CYP19A1: variants seen among roughly 807,000 people sequenced by gnomAD.
The protein encoded by CYP19A1 is cytochrome P450 family 19 subfamily A member 1.
CYP19A1 carries 32 observed loss-of-function variants against 44.4 expected under a neutral mutation model. The observed-to-expected ratio is 0.72, with a 90% CI of 0.54 to 0.97. The LOEUF (loss-of-function observed/expected upper bound fraction) is 0.97. CYP19A1 is among the 50% of genes least tolerant of loss of function. The probability of loss-of-function intolerance (pLI) is 0.00; values close to 1 mark genes in which losing one functional copy is unlikely to be tolerated. For synonymous variants in CYP19A1, 212 were observed against 215.6 expected (o/e 0.98, Z 0.14); for missense variants, 598 against 637.8 (o/e 0.94, Z 0.67).
chr15:51,263,044 A>G (rs1034036408), intron 1 of CYP19A1, among the ~76,000 whole-genome samples: 1 of 152,196 alleles, frequency 6.6e-6, no homozygotes, highest in African/African-American at 2.4e-5. Flanking sequence ...GATGGTATTT[A>G]AGGTCTTGAG....
intron 1 of CYP19A1, among the ~76,000 whole-genome samples, chr15:51,304,685 AGAGAATCCTCCTAAGTC>A (rs2036178442): frequency 6.6e-6 from 1 of 152,208 alleles, no homozygotes; most frequent in Admixed American, 6.5e-5. Flanking sequence ...AAGTCTTCTG[AGAGAATCCTCCTAAGTC>A]ATGAAATTCC....
intron 1 of CYP19A1, chr15:51,278,241 G>A (rs944007356): frequency 1.1e-4 from 16 of 152,154 alleles, no homozygotes; most frequent in African/African-American, 3.4e-4. Flanking sequence ...ATTTCAGCTC[G>A]CCCCCTGAAT....
At chr15:51,252,391 AGAGGCTCTTTCCTGATTAAAACCACCTTC>A (rs2034349732) in intron 1 of CYP19A1, among the ~76,000 whole-genome samples, 1 of 152,226 alleles carries the variant, frequency 6.6e-6, no homozygotes, top group African/African-American at 2.4e-5. Flanking sequence ...CCAATGTCCC[AGAGGCTCTTTCCTGATTAAAACCACCTTC>A]ACTGACTGAT....
chr15:51,284,673 A>T lies in CYP19A1; in HGVS notation c.-38-41723T>A, dbSNP rs186801761. Among the ~76,000 whole-genome samples the T allele has an allele frequency of 2.1e-3, 318 of 152,346 alleles. 5 individuals carry two copies. Among genetic ancestry groups the T allele is most frequent in the African/African-American group, 7.5e-3 (310 of 41,572 alleles). On this transcript the variant is annotated intron_variant, in intron 1 of 9. Transcript: ENST00000396402. Reference sequence around the variant, plus strand: ...TAGCTTTATTAACATTAAAATTTTTAAATTTACAAAAAGATCAACCCATAA... The same window carrying T: ...TAGCTTTATTAACATTAAAATTTTTTAATTTACAAAAAGATCAACCCATAA...
intron 7 of CYP19A1, 66 bp from the exon 8 acceptor site, chr15:51,215,298 T>G: frequency 1.3e-5 from 20 of 1,586,444 alleles, no homozygotes; most frequent in Non-Finnish European, 1.6e-5. Context: ...TGAGGGGAGG[T>G]GACACTCAAG....
At chr15:51,298,430 A>G (rs2036043772) in intron 1 of CYP19A1, among the ~76,000 whole-genome samples, 1 of 152,232 alleles carries the variant, frequency 6.6e-6, no homozygotes, top group Admixed American at 6.5e-5. Context: ...CATTCTACTG[A>G]TCTTTGTGGA....
At chr15:51,242,337 A>G in intron 2 of CYP19A1, 1 of 273,598 alleles carries the variant, frequency 3.7e-6, no homozygotes, top group Non-Finnish European at 7.0e-6. Context: ...TACAAGACAA[A>G]GAGGGGGCAT....
chr15:51,279,863 C>G (rs1698780176), intron 1 of CYP19A1: 1 of 152,202 alleles, frequency 6.6e-6, no homozygotes, highest in South Asian at 2.1e-4. Context: ...CTTTATGTTC[C>G]TTGAGGGCAG....
chr15:51,215,400 T>C (rs1169941384), intron 7 of CYP19A1, among the ~76,000 whole-genome samples, 168 bp from the exon 8 acceptor site: 1 of 152,250 alleles, frequency 6.6e-6, no homozygotes, highest in East Asian at 1.9e-4. Flanking sequence ...AGCTGAAAGA[T>C]GAACGATTAG....
intron 1 of CYP19A1, among the ~76,000 whole-genome samples, chr15:51,267,232 G>C (rs899786742): frequency 1.3e-5 from 2 of 152,232 alleles, no homozygotes; most frequent in Non-Finnish European, 2.9e-5. Context: ...GGAGCAGCTC[G>C]GGCACTAGGC....
intron 5 of CYP19A1, chr15:51,221,239 A>C (rs1407158033): frequency 6.6e-6 from 1 of 152,200 alleles, no homozygotes; most frequent in Non-Finnish European, 1.5e-5. Flanking sequence ...TAATGTTCTA[A>C]AAGACACCTG....
At chr15:51,287,396 G>A (rs1250604483) in intron 1 of CYP19A1, among the ~76,000 whole-genome samples, 1 of 152,174 alleles carries the variant, frequency 6.6e-6, no homozygotes, top group East Asian at 1.9e-4. Context: ...TATCAGGCAG[G>A]TCTGCTTGGA....
chr15:51,333,518 A>G (rs956093787), intron 1 of CYP19A1, among the ~76,000 whole-genome samples: 1 of 152,236 alleles, frequency 6.6e-6, no homozygotes, highest in Non-Finnish European at 1.5e-5. Context: ...CAGCTTTAAG[A>G]AAGTAGCACA....
At chr15:51,215,995 C>CA (rs2031538032) in intron 6 of CYP19A1, 178 bp from the exon 7 acceptor site, 15 of 1,251,916 alleles carry the variant, frequency 1.2e-5, no homozygotes, top group African/African-American at 1.5e-5. Context: ...ATAGACCCTA[C>CA]ACTTCATGTT....
At chr15:51,216,959 A>G (rs1267365220) in intron 6 of CYP19A1, among the ~76,000 whole-genome samples, 1 of 152,152 alleles carries the variant, frequency 6.6e-6, no homozygotes, top group Admixed American at 6.5e-5. Flanking sequence ...TTGTTCCCTT[A>G]TCTCAGGGAA....
At chr15:51,258,599 G>C (rs148806548) in intron 1 of CYP19A1, among the ~76,000 whole-genome samples, 2 of 150,736 alleles carry the variant, frequency 1.3e-5, no homozygotes, top group East Asian at 3.9e-4. Flanking sequence ...CTTTGGAAAA[G>C]GCCCTCCTTC....
At chr15:51,272,640 C>T (rs2035168608) in intron 1 of CYP19A1, among the ~76,000 whole-genome samples, 1 of 152,198 alleles carries the variant, frequency 6.6e-6, no homozygotes, top group African/African-American at 2.4e-5. Flanking sequence ...TTAGAACTGT[C>T]ATCAGAATTG....
At chr15:51,243,348 C>T (rs923692204) in intron 1 of CYP19A1, among the ~76,000 whole-genome samples, 5 of 152,188 alleles carry the variant, frequency 3.3e-5, no homozygotes, top group Admixed American at 6.5e-5. Flanking sequence ...AGGCAATCTT[C>T]TTCCCTTGAA....
At chr15:51,308,286 T>G (rs957574450) in intron 1 of CYP19A1, among the ~76,000 whole-genome samples, 1 of 152,170 alleles carries the variant, frequency 6.6e-6, no homozygotes, top group Non-Finnish European at 1.5e-5. Context: ...CTCTTCTCCC[T>G]TGGGCTGCCT....
Sources: gnomAD v4.1 joint callset for allele counts (sites outside exome capture counted in the v4.1 genomes callset) on GRCh38, gnomAD v4.1.1 for gene constraint, MANE v1.5 for transcripts, NCBI Gene and HGNC (gene_info 2026-07-23, HGNC 2026-07-21) for gene names.